LRRC36: variants seen among roughly 807,000 people sequenced by gnomAD.
The protein encoded by LRRC36 is leucine-rich repeat-containing protein 36.
LRRC36 carries 62 observed loss-of-function variants against 81.1 expected under a neutral mutation model. The observed-to-expected ratio is 0.76, with a 90% confidence interval of 0.62 to 0.94. The LOEUF is 0.94. Among genes scored for constraint, LRRC36 ranks in the 40% least tolerant of loss-of-function variants. The probability of loss-of-function intolerance (pLI) is 0.00; values close to 1 mark genes in which losing one functional copy is unlikely to be tolerated. For missense variants in LRRC36, 761 were observed against 881.7 expected (o/e 0.86, Z 1.73); for synonymous variants, 334 against 348.6 (o/e 0.96, Z 0.47).
chr16:67,335,270 C>T (rs1183161628), intron 1 of LRRC36, among the ~76,000 whole-genome samples: 3 of 152,168 alleles, frequency 2.0e-5, no homozygotes, highest in Non-Finnish European at 4.4e-5. Flanking sequence ...GGCCTCCCTT[C>T]AGGGATGCAT....
chr16:67,334,698 C>T (rs1010776356), intron 1 of LRRC36, among the ~76,000 whole-genome samples: 1 of 152,150 alleles, frequency 6.6e-6, no homozygotes, highest in East Asian at 1.9e-4. Context: ...GTTTATCCCT[C>T]CCTCACCCCA....
At chr16:67,347,362 T>G in intron 3 of LRRC36, 133 bp from the exon 4 acceptor site, 1 of 1,484,218 alleles carries the variant, frequency 6.7e-7, no homozygotes, top group East Asian at 2.6e-5. Flanking sequence ...AGCATTATTT[T>G]GTGACCTGTC....
Position 67,363,653 on chromosome 16 carries a change from C to T in LRRC36, c.641C>T (p.Ser214Phe), listed in dbSNP as rs929565252. The T allele has an allele frequency of 3.0e-5, 49 of 1,613,226 alleles. No homozygotes were observed. Among genetic ancestry groups the T allele is most frequent in the African/African-American group, 5.3e-5 (4 of 74,894 alleles). ...GAAATAAAGGATTCCCTAAGTACTT[C>T]TGCAACTCAGGGCAATGGTACACGT... is the stretch of plus-strand genomic sequence containing the variant. The part of the protein sequence containing the change: ...NREIKDSLST[S>F]ATQGNGTRDQ... Residue 214 changes from serine (S) to phenylalanine (F), a missense_variant, in exon 6 of 14, where the codon TCT (serine) becomes TTT (phenylalanine). Ser to Phe is a radical substitution (Grantham distance 155). This residue lies in a region of LRRC36 where 263 missense variants were observed against 279.3 expected (regional missense o/e 0.94). Coordinates refer to ENST00000329956, the MANE Select transcript of LRRC36 (RefSeq NM_018296.6).
intron 3 of LRRC36, 178 bp from the exon 4 acceptor site, chr16:67,347,316 TC>T (rs1186790787): frequency 8.2e-7 from 1 of 1,224,568 alleles, no homozygotes; most frequent in Non-Finnish European, 1.1e-6. Flanking sequence ...TCCTGCAGTC[TC>T]CCTGAGTTCC....
At chr16:67,362,677 A>G (rs2039208994) in intron 5 of LRRC36, among the ~76,000 whole-genome samples, 1 of 152,332 alleles carries the variant, frequency 6.6e-6, no homozygotes, top group Admixed American at 6.5e-5. Context: ...AAAACAAAAT[A>G]AACTGTAAAA....
chr16:67,350,026 G>T (rs548850782), intron 4 of LRRC36, among the ~76,000 whole-genome samples, 176 bp from the exon 5 acceptor site: 24 of 152,304 alleles, frequency 1.6e-4, no homozygotes, highest in Admixed American at 2.6e-4. Flanking sequence ...CTCCCAAAGT[G>T]CTGGGATTAC....
chr16:67,370,831 T>A lies in LRRC36; in HGVS notation c.1196-113T>A, dbSNP rs1312323580. ...TGGAGTTTTGTCAGAGAGTTGAGGATGTATGCTAGGGAGTGGTTATTATGA... is the reference window on the plus strand; with the variant it reads ...TGGAGTTTTGTCAGAGAGTTGAGGAAGTATGCTAGGGAGTGGTTATTATGA... On this transcript the variant is annotated intron_variant, in intron 8 of 13. Transcript: ENST00000329956. 7.6e-6 allele frequency: 6 copies of A among 786,454 alleles called. No homozygotes were observed. In the African/African-American group the frequency reaches 1.0e-4, roughly 14 times the overall value. 48.7% of individuals were successfully genotyped at this position (786,454 alleles called of 1,614,324 possible).
chr16:67,378,235 CTT>C (rs1015471341), intron 11 of LRRC36, among the ~76,000 whole-genome samples: 8 of 100,522 alleles, frequency 8.0e-5, no homozygotes, highest in African/African-American at 3.3e-4. Context: ...ATGTCAGATT[CTT>C]TTTTTTTTTT....
At chr16:67,379,871 C>G (rs2040047249) in intron 12 of LRRC36, among the ~76,000 whole-genome samples, 1 of 152,176 alleles carries the variant, frequency 6.6e-6, no homozygotes, top group African/African-American at 2.4e-5. Context: ...CAAGTAATCA[C>G]AGACCTGATT....
At chr16:67,334,156 C>T (rs2037640013) in intron 1 of LRRC36, among the ~76,000 whole-genome samples, 1 of 151,504 alleles carries the variant, frequency 6.6e-6, no homozygotes, top group Admixed American at 6.6e-5. Context: ...CTCAGCCTCC[C>T]GAGTAGCTGG....
At chr16:67,374,528 G>A (rs2039800498) in intron 9 of LRRC36, among the ~76,000 whole-genome samples, 1 of 151,892 alleles carries the variant, frequency 6.6e-6, no homozygotes, top group South Asian at 2.1e-4. Flanking sequence ...CTGAGTAGCT[G>A]GGATTACAGG....
Position 67,367,346 on chromosome 16 carries a change from A to G in LRRC36, c.1084A>G (p.Ile362Val). ...QRSKNYQEYSIKPSNDIKTTA... is the reference protein window; with the variant it reads ...QRSKNYQEYSVKPSNDIKTTA... The stretch of plus-strand genomic sequence containing the variant: ...AAGCAAGAACTATCAAGAGTATAGC[A>G]TAAAGCCTTCAAATGACATAAAGAC... Residue 362 changes from isoleucine (I) to valine (V), a missense_variant, in exon 8 of 14, where the codon ATA becomes GTA. Ile to Val is a conservative substitution (Grantham distance 29). Coordinates refer to ENST00000329956, the MANE Select transcript of LRRC36 (RefSeq NM_018296.6). 3 of 1,614,148 alleles carry G rather than the reference A, an allele frequency of 1.9e-6. No homozygotes were observed. The highest frequency in any genetic ancestry group is 1.1e-5 in the South Asian group (1 of 91,084).
At chr16:67,348,321 G>A (rs2038451036) in intron 4 of LRRC36, among the ~76,000 whole-genome samples, 1 of 152,012 alleles carries the variant, frequency 6.6e-6, no homozygotes, top group Non-Finnish European at 1.5e-5. Context: ...GATAATATCA[G>A]CATTTTTTCT....
At chr16:67,376,185 GTAA>G (rs1328331530) in intron 10 of LRRC36, among the ~76,000 whole-genome samples, 1 of 152,066 alleles carries the variant, frequency 6.6e-6, no homozygotes, top group Middle Eastern at 3.2e-3. Context: ...GTGTGCGCCT[GTAA>G]TCCCAGCTAC....
At position 67,382,235 on chromosome 16, in the gene LRRC36, A is replaced by G. The variant is rs748733314; in HGVS notation, c.2033A>G (p.His678Arg). Residue 678 changes from histidine to arginine, a missense_variant, in exon 13 of 14, where the codon CAT becomes CGT. Physicochemically the swap from His to Arg is conservative, Grantham distance 29. This residue lies in a region of LRRC36 where 359 missense variants were observed against 388.4 expected (regional missense o/e 0.92). Transcript: ENST00000329956. ...KKLEKTVAIL[H>R]ESQRSLVVTN... ...CTGGAGAAGACAGTTGCCATTCTCC[A>G]TGAAAGTCAGAGGTAGGAGAGGGTC... 3 of 1,613,820 alleles carry G rather than the reference A, an allele frequency of 1.9e-6. No individual in the cohort carries two copies. The highest frequency in any genetic ancestry group is 8.5e-7 in the Non-Finnish European group (1 of 1,179,762).
intron 9 of LRRC36, among the ~76,000 whole-genome samples, chr16:67,372,493 T>G (rs1403698267): frequency 1.3e-5 from 2 of 152,220 alleles, no homozygotes; most frequent in African/African-American, 4.8e-5. Context: ...CCTTCTACTC[T>G]CCTCTCTTGT....
Position 67,376,796 on chromosome 16 carries a change from C to T in LRRC36, c.1730C>T (p.Pro577Leu). Residue 577 changes from proline to leucine, a missense_variant, in exon 11 of 14, where the codon CCT becomes CTT. Transcript: ENST00000329956. ...APSQPRCCSH[P>L]EDTMKAFCRR... ...TCTCAGCCGAGGTGTTGCTCACATC[C>T]TGAAGACACGATGAAAGCATTCTGC... is the stretch of plus-strand genomic sequence containing the variant. 2 of 1,614,078 alleles carry T rather than the reference C, an allele frequency of 1.2e-6. No homozygotes were observed. Among genetic ancestry groups the T allele is most frequent in the South Asian group, 2.2e-5 (2 of 91,070 alleles).
rs9922085 is a variant in LRRC36 at position 67,363,677 on chromosome 16, G to A, written c.665G>A (p.Arg222His). Residue 222 changes from arginine to histidine, a missense_variant, in exon 6 of 14, where the codon CGT becomes CAT. Coordinates refer to ENST00000329956, the MANE Select transcript of LRRC36 (RefSeq NM_018296.6). Reference protein sequence around the residue: ...STSATQGNGTRDQKLDTFPLG... With the variant: ...STSATQGNGTHDQKLDTFPLG... ...TCTGCAACTCAGGGCAATGGTACAC[G>A]TGATCAGAAATTAGACACCTTCCCA... 14 of 1,613,736 alleles carry A rather than the reference G, an allele frequency of 8.7e-6. No homozygotes were observed. The highest frequency in any genetic ancestry group is 1.0e-5 in the Non-Finnish European group (12 of 1,179,802).
At chr16:67,368,126 CA>C (rs934631727) in intron 8 of LRRC36, among the ~76,000 whole-genome samples, 5 of 152,172 alleles carry the variant, frequency 3.3e-5, no homozygotes, top group African/African-American at 1.2e-4. Context: ...TTTATTCAAC[CA>C]AACTCATTGA....
Sources: gnomAD v4.1 joint callset for allele counts (sites outside exome capture counted in the v4.1 genomes callset) on GRCh38, gnomAD v4.1.1 for gene constraint, gnomAD v4.1.1 regional missense constraint, MANE v1.5 for transcripts, NCBI Gene and HGNC (gene_info 2026-07-23, HGNC 2026-07-21) for gene names.